LYRM4: variants seen among roughly 807,000 people sequenced by gnomAD.
LYRM4 encodes LYR motif-containing protein 4.
Under a neutral mutation model 11.7 loss-of-function variants are expected in LYRM4, and 9 were observed. That is an observed-to-expected ratio of 0.77 (90% CI 0.46 to 1.34). LYRM4 has a LOEUF of 1.34. Among genes scored for constraint, LYRM4 ranks in the 40% most tolerant of loss-of-function variants. LYRM4 has a pLI of 0.00. For synonymous variants in LYRM4, 42 were observed against 40.4 expected (o/e 1.04, Z -0.15); for missense variants, 133 against 112.5 (o/e 1.18, Z -0.82).
chr6:5,206,709 G>A (rs1165221422), intron 2 of LYRM4, among the ~76,000 whole-genome samples: 1 of 152,178 alleles, frequency 6.6e-6, no homozygotes, highest in South Asian at 2.1e-4. Flanking sequence ...GTGGGGAGAA[G>A]AGAAGTGCTT....
chr6:5,068,428 A>T, the LYRM4 span, among the ~76,000 whole-genome samples: 2 of 152,114 alleles, frequency 1.3e-5, no homozygotes, highest in African/African-American at 4.8e-5. This position sits in a 1 kb window ranked among gnomAD's most constrained non-coding sequence, Gnocchi z 4.0. Context: ...TCACAGTGCC[A>T]TGACTATTGA....
At chr6:5,156,610 C>T (rs922941384) in intron 2 of LYRM4, among the ~76,000 whole-genome samples, 33 of 152,166 alleles carry the variant, frequency 2.2e-4, no homozygotes, top group Non-Finnish European at 2.8e-4. Context: ...GGGTGACCTG[C>T]GGAGGCTCCT....
chr6:5,149,219 A>C (rs1757951781), intron 2 of LYRM4, among the ~76,000 whole-genome samples: 1 of 152,258 alleles, frequency 6.6e-6, no homozygotes, highest in South Asian at 2.1e-4. Flanking sequence ...TGGTGATAAC[A>C]CTAAAATGAG....
At chr6:5,122,421 C>T (rs1763499648) in intron 2 of LYRM4, among the ~76,000 whole-genome samples, 1 of 152,164 alleles carries the variant, frequency 6.6e-6, no homozygotes, top group South Asian at 2.1e-4. Flanking sequence ...ACACTCAGAA[C>T]TGGAAAGGGC....
intron 2 of LYRM4, among the ~76,000 whole-genome samples, chr6:5,198,461 AC>A (rs1374310388): frequency 6.6e-6 from 1 of 152,152 alleles, no homozygotes; most frequent in Non-Finnish European, 1.5e-5. Flanking sequence ...ACCTCCACCT[AC>A]TGTGTGAAAG....
chr6:5,209,061 T>G (rs896019579), intron 2 of LYRM4, among the ~76,000 whole-genome samples: 8 of 152,166 alleles, frequency 5.3e-5, no homozygotes, highest in Non-Finnish European at 1.0e-4. Flanking sequence ...TTAAATCTCC[T>G]TTGCCTCTGA....
chr6:5,133,732 C>T (rs138916700), intron 2 of LYRM4, among the ~76,000 whole-genome samples: 208 of 152,318 alleles, frequency 1.4e-3, no homozygotes, highest in African/African-American at 4.8e-3. Context: ...TCATCACCCC[C>T]AAAAGGAAAC....
the LYRM4 span, among the ~76,000 whole-genome samples, chr6:5,041,038 T>C: frequency 1.3e-5 from 2 of 152,120 alleles, no homozygotes; most frequent in South Asian, 2.1e-4. Context: ...TGGTGGCCCG[T>C]GCCTGTAGTC....
intron 2 of LYRM4, among the ~76,000 whole-genome samples, chr6:5,120,940 C>T (rs779009174): frequency 2.6e-5 from 4 of 152,166 alleles, no homozygotes; most frequent in Non-Finnish European, 5.9e-5. Flanking sequence ...CCTAGGTGGC[C>T]CAGCCCTACC....
chr6:5,073,381 T>A, the LYRM4 span, among the ~76,000 whole-genome samples: 7 of 151,202 alleles, frequency 4.6e-5, no homozygotes, highest in East Asian at 1.9e-4. Flanking sequence ...ATATATATAT[T>A]TTTTATATAT....
At chr6:5,214,035 G>A (rs71555884) in intron 2 of LYRM4, among the ~76,000 whole-genome samples, 3 of 152,326 alleles carry the variant, frequency 2.0e-5, no homozygotes, top group Admixed American at 2.0e-4. Context: ...AACACAGGCC[G>A]GCTGGCCGCA....
chr6:5,127,993 C>G (rs1763774055), intron 2 of LYRM4, among the ~76,000 whole-genome samples: 1 of 152,172 alleles, frequency 6.6e-6, no homozygotes, highest in Non-Finnish European at 1.5e-5. Context: ...CCTATTTCCT[C>G]CAATGGAGAC....
rs548197955 is a variant in LYRM4, at chr6:5,133,114, T to C, written c.208-23623A>G. Among the ~76,000 whole-genome samples, 6 of 152,326 alleles carry C rather than the reference T, an allele frequency of 3.9e-5. No individual in the cohort carries two copies. The East Asian group carries it at 1.2e-3, about 29-fold the overall frequency. ...GGCAGGGTGTGTGTGCTGGGCAGCC[T>C]GAGGGCCACTTGTCCCCGTGCTGCC... is the stretch of plus-strand genomic sequence containing the variant. On this transcript the variant is annotated intron_variant, in intron 2 of 2. Coordinates refer to ENST00000330636, the MANE Select transcript of LYRM4 (RefSeq NM_020408.6).
intron 2 of LYRM4, among the ~76,000 whole-genome samples, chr6:5,115,264 T>C (rs1465979807): frequency 1.3e-5 from 2 of 152,254 alleles, no homozygotes; most frequent in Non-Finnish European, 2.9e-5. Flanking sequence ...TGATGGTTAC[T>C]GATGGATCTT....
At chr6:5,241,295 A>C (rs919258854) in intron 1 of LYRM4, among the ~76,000 whole-genome samples, 1 of 152,234 alleles carries the variant, frequency 6.6e-6, no homozygotes, top group Non-Finnish European at 1.5e-5. Flanking sequence ...TATAACATAC[A>C]GTGCGTGACA....
the LYRM4 span, among the ~76,000 whole-genome samples, chr6:5,040,344 GATAGATAGATACATACATACATACATAC>G: frequency 6.9e-6 from 1 of 144,576 alleles, no homozygotes; most frequent in African/African-American, 2.6e-5. Flanking sequence ...TAGATAGATA[GATAGATAGATACATACATACATACATAC>G]ATACATACAT....
At chr6:5,083,899 A>G in the LYRM4 span, among the ~76,000 whole-genome samples, 1 of 152,188 alleles carries the variant, frequency 6.6e-6, no homozygotes, top group Non-Finnish European at 1.5e-5. Context: ...ATAGGTTTAA[A>G]TACGGTCCCC....
chr6:5,201,122 T>C (rs1381281156), intron 2 of LYRM4, among the ~76,000 whole-genome samples: 1 of 152,188 alleles, frequency 6.6e-6, no homozygotes. Flanking sequence ...AAACTCCAGC[T>C]GTGAAGGGTT....
the LYRM4 span, among the ~76,000 whole-genome samples, chr6:5,063,671 G>A: frequency 2.0e-5 from 3 of 152,290 alleles, no homozygotes; most frequent in East Asian, 5.8e-4. Context: ...CTCCTGGTGT[G>A]TGTGGCTTCC....
Sources: allele counts gnomAD v4.1 joint callset (sites outside exome capture counted in the v4.1 genomes callset), GRCh38; gene constraint gnomAD v4.1.1; non-coding constraint Gnocchi (gnomAD v3.1); transcripts MANE v1.5; gene names NCBI Gene and HGNC (gene_info 2026-07-23, HGNC 2026-07-21).